The following FAM219A variants were observed in gnomAD, a reference collection of about 807,000 sequenced individuals.
FAM219A encodes family with sequence similarity 219 member A.
Under a neutral mutation model 23.4 loss-of-function variants are expected in FAM219A, and 7 were observed. The observed-to-expected ratio is 0.30, with a 90% CI of 0.17 to 0.56. FAM219A has a LOEUF of 0.56. FAM219A is among the 20% of genes least tolerant of loss of function. The probability of loss-of-function intolerance (pLI) is 0.92; values close to 1 mark genes in which losing one functional copy is unlikely to be tolerated. For missense variants in FAM219A, 166 were observed against 246.9 expected (o/e 0.67, Z 2.20); for synonymous variants, 93 against 99.0 (o/e 0.94, Z 0.36).
intron 1 of FAM219A, among the ~76,000 whole-genome samples, chr9:34,407,706 CA>C (rs1418055007): frequency 6.6e-6 from 1 of 152,194 alleles, no homozygotes; most frequent in Non-Finnish European, 1.5e-5. Context: ...GCATTTTAAC[CA>C]GGGCCTGTAG....
chr9:34,424,330 T>C (rs945900166), intron 1 of FAM219A, among the ~76,000 whole-genome samples: 1 of 151,930 alleles, frequency 6.6e-6, no homozygotes, highest in Non-Finnish European at 1.5e-5. Flanking sequence ...TTCTAAGAAA[T>C]TATGGGTCTG....
chr9:34,425,734 G>A (rs1168705324), intron 1 of FAM219A, among the ~76,000 whole-genome samples: 1 of 152,146 alleles, frequency 6.6e-6, no homozygotes, highest in Admixed American at 6.5e-5. Flanking sequence ...CAGAGGACTG[G>A]CAGCCTCAAT....
chr9:34,426,053 T>G (rs147493038), intron 1 of FAM219A, among the ~76,000 whole-genome samples: 2 of 152,332 alleles, frequency 1.3e-5, no homozygotes, highest in African/African-American at 4.8e-5. Context: ...CTCTGCAACC[T>G]TGTGGCTGTC....
At position 34,399,194 on chromosome 9, in the gene FAM219A, G is replaced by C. The variant is rs1162993624; in HGVS notation, c.*1770C>G. The C allele has an allele frequency of 2.6e-5, 4 of 152,246 alleles. No individual in the cohort carries two copies. Among genetic ancestry groups the C allele is most frequent in the East Asian group, 1.9e-4 (1 of 5,180 alleles). 9.4% of individuals were successfully genotyped at this position (152,246 alleles called of 1,614,324 possible). On this transcript the variant is annotated 3_prime_UTR_variant, in exon 6 of 6. Transcript: ENST00000651358. ...TGGGAGTGGATCCACCAGCACATGT[G>C]GGGTGTTAGCATGAGATGATCCACC...
chr9:34,418,895 C>A (rs1822139309), intron 1 of FAM219A, among the ~76,000 whole-genome samples: 1 of 152,190 alleles, frequency 6.6e-6, no homozygotes, highest in Non-Finnish European at 1.5e-5. Context: ...CACAGCGAAA[C>A]CCTGTCTCTA....
chr9:34,419,336 C>T (rs143487440), intron 1 of FAM219A, among the ~76,000 whole-genome samples: 17 of 150,772 alleles, frequency 1.1e-4, no homozygotes, highest in East Asian at 5.9e-4. Context: ...GGGAGTTGGA[C>T]GGGGCTGGGG....
intron 1 of FAM219A, among the ~76,000 whole-genome samples, chr9:34,429,574 G>C (rs185157209): frequency 1.8e-4 from 28 of 152,246 alleles, no homozygotes; most frequent in Middle Eastern, 6.8e-3. Flanking sequence ...ATGACTTGGG[G>C]AAGTGGGAGG....
intron 1 of FAM219A, among the ~76,000 whole-genome samples, chr9:34,413,993 C>G (rs941388263): frequency 2.0e-5 from 3 of 152,192 alleles, no homozygotes; most frequent in African/African-American, 7.2e-5. Flanking sequence ...CTATTCCATT[C>G]CAAAACATCT....
intron 1 of FAM219A, among the ~76,000 whole-genome samples, chr9:34,427,406 T>C (rs1822527794): frequency 6.6e-6 from 1 of 152,164 alleles, no homozygotes; most frequent in South Asian, 2.1e-4. Context: ...ACATCACCTC[T>C]TAAAAGAAGC....
chr9:34,445,146 C>A (rs1356753107), intron 1 of FAM219A, among the ~76,000 whole-genome samples: 1 of 152,204 alleles, frequency 6.6e-6, no homozygotes. Flanking sequence ...CTGTTCCCCT[C>A]CTTAGAATAA....
At chr9:34,446,184 A>G (rs979785885) in intron 1 of FAM219A, among the ~76,000 whole-genome samples, 2 of 151,948 alleles carry the variant, frequency 1.3e-5, no homozygotes, top group African/African-American at 4.8e-5. Context: ...AAAAAAAAAA[A>G]AAAATGCGGG....
At position 34,398,410 on chromosome 9, in the gene FAM219A, C is replaced by A. The variant is rs1821297781; in HGVS notation, c.*2554G>T. Reference sequence around the variant, plus strand: ...GCAGTATCTACAAGGGGAAGGGTGGCAGGAGGGCAAGCTAAGGCCTAGATT... The same window carrying A: ...GCAGTATCTACAAGGGGAAGGGTGGAAGGAGGGCAAGCTAAGGCCTAGATT... On this transcript the variant is annotated 3_prime_UTR_variant, in exon 6 of 6. Transcript: ENST00000651358. 4.7e-5 allele frequency: 72 copies of A among 1,542,982 alleles called. 1 individual carries two copies. In the South Asian group the frequency reaches 8.1e-4, roughly 17 times the overall value.
intron 1 of FAM219A, among the ~76,000 whole-genome samples, chr9:34,429,399 C>T (rs1304543400): frequency 3.3e-5 from 5 of 152,202 alleles, no homozygotes; most frequent in African/African-American, 9.7e-5. Context: ...TCAATCCAGG[C>T]AGACTTACCC....
intron 1 of FAM219A, among the ~76,000 whole-genome samples, chr9:34,410,687 G>A (rs914838117): frequency 2.0e-4 from 30 of 152,116 alleles, no homozygotes; most frequent in African/African-American, 7.0e-4. Context: ...CACTCTCAGT[G>A]CCAAGGGGAT....
intron 1 of FAM219A, among the ~76,000 whole-genome samples, chr9:34,451,834 C>T (rs548072585): frequency 6.6e-6 from 1 of 152,320 alleles, no homozygotes; most frequent in East Asian, 1.9e-4. Flanking sequence ...TTGGGCTCTG[C>T]TTCCACCCAA....
intron 1 of FAM219A, among the ~76,000 whole-genome samples, chr9:34,441,392 G>A (rs546738641): frequency 9.8e-5 from 15 of 152,350 alleles, no homozygotes; most frequent in African/African-American, 2.4e-4. Flanking sequence ...GTGAGATACT[G>A]CTGTTCCAGT....
intron 1 of FAM219A, among the ~76,000 whole-genome samples, chr9:34,453,888 T>C (rs1263720933): frequency 6.6e-6 from 1 of 152,236 alleles, no homozygotes; most frequent in East Asian, 1.9e-4. Flanking sequence ...CCAGAGAGCC[T>C]ATCCCTGTTT....
chr9:34,439,180 T>C (rs534833397), intron 1 of FAM219A, among the ~76,000 whole-genome samples: 13 of 152,316 alleles, frequency 8.5e-5, no homozygotes, highest in Non-Finnish European at 1.3e-4. Context: ...CACGCCGCCT[T>C]TAAGAACTGT....
intron 1 of FAM219A, among the ~76,000 whole-genome samples, chr9:34,440,440 A>G (rs1564014928): frequency 6.6e-6 from 1 of 151,812 alleles, no homozygotes; most frequent in Non-Finnish European, 1.5e-5. Flanking sequence ...GCACATGTAC[A>G]CTCCTCTGTG....
Sources: gnomAD v4.1 joint callset for allele counts (sites outside exome capture counted in the v4.1 genomes callset) on GRCh38, gnomAD v4.1.1 for gene constraint, MANE v1.5 for transcripts, NCBI Gene and HGNC (gene_info 2026-07-23, HGNC 2026-07-21) for gene names.